Variants in HYCC2 observed in about 807,000 individuals in gnomAD.
HYCC2 encodes hyccin 2.
the HYCC2 span, among the ~76,000 whole-genome samples, chr2:201,026,222 A>C: frequency 1.3e-5 from 2 of 152,224 alleles, no homozygotes; most frequent in African/African-American, 4.8e-5. Flanking sequence ...AAAGAAGGCC[A>C]TTACATGATG....
the HYCC2 span, chr2:200,997,429 T>C: frequency 5.4e-3 from 8,050 of 1,494,424 alleles, 50 homozygotes; most frequent in Middle Eastern, 0.03. Context: ...AGATTAGTAA[T>C]AATCACTCTT....
chr2:201,016,600 T>A, the HYCC2 span, among the ~76,000 whole-genome samples: 1 of 151,614 alleles, frequency 6.6e-6, no homozygotes, highest in South Asian at 2.1e-4. Flanking sequence ...TTATTATTTT[T>A]AATTTTTTTT....
chr2:201,063,574 T>C, the HYCC2 span: 1 of 1,585,936 alleles, frequency 6.3e-7, no homozygotes, highest in Non-Finnish European at 8.5e-7. Context: ...TGGATAAGAT[T>C]GTCATTCAGA....
chr2:200,997,446 TG>T, the HYCC2 span: 1 of 1,590,114 alleles, frequency 6.3e-7, no homozygotes, highest in Non-Finnish European at 8.6e-7. Flanking sequence ...TCTTCTCACC[TG>T]GAACCCATCC....
chr2:201,014,077 T>C, the HYCC2 span, among the ~76,000 whole-genome samples: 1 of 152,204 alleles, frequency 6.6e-6, no homozygotes, highest in African/African-American at 2.4e-5. Context: ...TTTTCTATAG[T>C]ATACTAATTT....
At chr2:201,005,826 T>TTTTA in the HYCC2 span, among the ~76,000 whole-genome samples, 4 of 152,114 alleles carry the variant, frequency 2.6e-5, no homozygotes, top group East Asian at 7.7e-4. Flanking sequence ...ATTTTGTTAT[T>TTTTA]TTTATTTATT....
At chr2:201,039,542 A>G in the HYCC2 span, among the ~76,000 whole-genome samples, 1 of 152,190 alleles carries the variant, frequency 6.6e-6, no homozygotes, top group Non-Finnish European at 1.5e-5. Flanking sequence ...TTGATATAAG[A>G]GACTGAATGA....
At chr2:201,059,390 T>G in the HYCC2 span, among the ~76,000 whole-genome samples, 1 of 152,206 alleles carries the variant, frequency 6.6e-6, no homozygotes, top group Non-Finnish European at 1.5e-5. Context: ...TAGATGGGAA[T>G]GCCTGGCCCT....
the HYCC2 span, chr2:200,981,832 A>G: frequency 6.2e-7 from 1 of 1,613,434 alleles, no homozygotes; most frequent in Non-Finnish European, 8.5e-7. The surrounding 1 kb of genome is among the most constrained non-coding windows in gnomAD (Gnocchi z 4.5). Flanking sequence ...TGCATCATTC[A>G]GGTTTACAGA....
At chr2:201,026,887 A>C in the HYCC2 span, among the ~76,000 whole-genome samples, 3 of 152,226 alleles carry the variant, frequency 2.0e-5, no homozygotes, top group Admixed American at 2.0e-4. Context: ...TGACACCCTA[A>C]CATCACAATT....
the HYCC2 span, among the ~76,000 whole-genome samples, chr2:200,995,414 G>A: frequency 1.3e-5 from 2 of 152,146 alleles, no homozygotes; most frequent in African/African-American, 2.4e-5. Context: ...CCTTCAGCAC[G>A]GGTGGGATCT....
the HYCC2 span, among the ~76,000 whole-genome samples, chr2:201,033,507 C>T: frequency 6.6e-6 from 1 of 151,640 alleles, no homozygotes; most frequent in Non-Finnish European, 1.5e-5. Flanking sequence ...GGGTTCACGC[C>T]ATTCTCCTGC....
chr2:200,999,657 T>C, the HYCC2 span, among the ~76,000 whole-genome samples: 32 of 150,846 alleles, frequency 2.1e-4, no homozygotes, highest in South Asian at 1.5e-3. Flanking sequence ...CCCAAAGTGC[T>C]GGGATTACAG....
At chr2:200,983,909 C>A in the HYCC2 span, among the ~76,000 whole-genome samples, 1 of 151,972 alleles carries the variant, frequency 6.6e-6, no homozygotes, top group Non-Finnish European at 1.5e-5. Context: ...AACATAAAAG[C>A]CACCATGCAA....
chr2:201,049,435 CG>C, the HYCC2 span, among the ~76,000 whole-genome samples: 383 of 152,106 alleles, frequency 2.5e-3, no homozygotes, highest in Admixed American at 5.0e-3. Flanking sequence ...CTGCAACCTC[CG>C]CCTCCCGGGG....
chr2:201,032,932 T>C, the HYCC2 span, among the ~76,000 whole-genome samples: 1 of 152,086 alleles, frequency 6.6e-6, no homozygotes, highest in South Asian at 2.1e-4. Context: ...ATTATAATTA[T>C]TCAAAACATT....
At chr2:201,023,894 A>G in the HYCC2 span, 2 of 1,191,984 alleles carry the variant, frequency 1.7e-6, no homozygotes, top group Non-Finnish European at 1.3e-6. Flanking sequence ...CATAGAGCAC[A>G]TATTCAGTTT....
chr2:201,004,799 C>T, the HYCC2 span, among the ~76,000 whole-genome samples: 14,692 of 152,040 alleles, frequency 0.097, 768 homozygotes, highest in African/African-American at 0.12. Context: ...AGGTGGATCA[C>T]GAGGTCAGGA....
the HYCC2 span, among the ~76,000 whole-genome samples, chr2:201,043,311 T>G: frequency 1.3e-5 from 2 of 151,874 alleles, no homozygotes; most frequent in South Asian, 2.1e-4. Flanking sequence ...CAGGGCCCTC[T>G]GCCTAGGAAA....
Sources: gnomAD v4.1 joint callset for allele counts (sites outside exome capture counted in the v4.1 genomes callset) on GRCh38, gnomAD v4.1.1 for gene constraint, Gnocchi (gnomAD v3.1) non-coding constraint, MANE v1.5 for transcripts, NCBI Gene and HGNC (gene_info 2026-07-23, HGNC 2026-07-21) for gene names.